Variants in KDM5A observed in about 807,000 individuals in gnomAD.
The protein encoded by KDM5A is lysine demethylase 5A.
In KDM5A, 42 loss-of-function variants were observed where a neutral mutation model predicts 193.5. The ratio of observed to expected loss-of-function variants is 0.22; its 90% CI spans 0.17 to 0.28. The LOEUF is 0.28. KDM5A is among the 10% of genes least tolerant of loss of function. The pLI, the probability that KDM5A is intolerant of heterozygous loss-of-function variation, is 1.00. For synonymous variants in KDM5A, 796 were observed against 718.1 expected (o/e 1.11, Z -1.73); for missense variants, 1,692 against 2,055.1 (o/e 0.82, Z 3.42).
At chr12:384,611 C>T (rs922949545) in intron 2 of KDM5A, among the ~76,000 whole-genome samples, 1 of 152,036 alleles carries the variant, frequency 6.6e-6, no homozygotes. Flanking sequence ...GTAAAACTAG[C>T]CAATAATAAA....
intron 5 of KDM5A, among the ~76,000 whole-genome samples, chr12:357,875 T>C (rs1282711698): frequency 8.2e-6 from 1 of 122,082 alleles, no homozygotes; most frequent in Non-Finnish European, 1.7e-5. Context: ...CCCAATTCCC[T>C]TCCTTCCTGC....
At chr12:375,392 G>A (rs1016530000) in intron 3 of KDM5A, among the ~76,000 whole-genome samples, 1 of 152,110 alleles carries the variant, frequency 6.6e-6, no homozygotes, top group African/African-American at 2.4e-5. Flanking sequence ...CATTCATCAC[G>A]TAGTTGTTCT....
Position 356,476 on chromosome 12 carries a change from C to T in KDM5A, c.734G>A (p.Gly245Glu), listed in dbSNP as rs1242669070. 3 of 1,613,744 alleles carry T rather than the reference C, an allele frequency of 1.9e-6. No individual in the cohort carries two copies. Among genetic ancestry groups the T allele is most frequent in the Non-Finnish European group, 2.5e-6 (3 of 1,179,804 alleles). ...CATTGCCAAGCCCACAACCTTGGGC[C>T]CAGCCCCAAAAATCTGAAGTTTCTT... The part of the protein sequence containing the change: ...ELKKLQIFGA[G>E]PKVVGLAMGT... The change falls in exon 6 of 28, where the codon GGG becomes GAG. Residue 245 changes from glycine (G) to glutamate (E), a missense_variant. Gly to Glu is a moderately conservative substitution (Grantham distance 98). This residue lies in a region of KDM5A where 134 missense variants were observed against 124.2 expected (regional missense o/e 1.08). Transcript: ENST00000399788.
chr12:330,073 G>GTATATATATA lies in KDM5A; in HGVS notation c.1774-1045_1774-1044insTATATATATA, dbSNP rs1393039421. Among the ~76,000 whole-genome samples the GTATATATATA allele has an allele frequency of 6.9e-3, 875 of 127,512 alleles. 9 individuals carry two copies. The highest frequency in any genetic ancestry group is 0.032 in the East Asian group (124 of 3,932). The allele number at this position is 127,512 out of a possible 152,430, so 83.7% of individuals were successfully genotyped here. A position where few individuals can be genotyped will look rare whatever the true frequency, so the allele number is the denominator to read the frequency against. On this transcript the variant is annotated intron_variant, in intron 13 of 27. Coordinates refer to ENST00000399788, the MANE Select transcript of KDM5A (RefSeq NM_001042603.3). ...GGAAAAAGTGTGTGTGTGTGTGTGTGTGTGTGTGTGTGTATATATATATAT... is the reference window on the plus strand; with the variant it reads ...GGAAAAAGTGTGTGTGTGTGTGTGTGTATATATATATGTGTGTGTGTGTATATATATATAT...
chr12:346,292 G>GTC (rs1447767317), intron 10 of KDM5A, among the ~76,000 whole-genome samples: 1 of 152,142 alleles, frequency 6.6e-6, no homozygotes, highest in Non-Finnish European at 1.5e-5. Context: ...AACAAAAAAA[G>GTC]TCCAGGACCA....
At chr12:354,034 T>C in intron 8 of KDM5A, 42 bp downstream of exon 8, 1 of 1,494,892 alleles carries the variant, frequency 6.7e-7, no homozygotes, top group Non-Finnish European at 9.3e-7. Context: ...CATGTATTAT[T>C]ATTTTTAGTT....
rs12227340 is a variant in KDM5A at position 356,697 on chromosome 12, C to T, written c.673-160G>A. 1.6e-3 allele frequency among the ~76,000 whole-genome samples: 242 copies of T among 152,250 alleles called. 2 individuals carry two copies. Among genetic ancestry groups the T allele is most frequent in the African/African-American group, 5.5e-3 (227 of 41,542 alleles). On this transcript the variant is annotated intron_variant, in intron 5 of 27. Coordinates refer to ENST00000399788, the MANE Select transcript of KDM5A (RefSeq NM_001042603.3). ...ACTGCCTCATTACCACAGTTGAAAACGGTCACCAAAACACCATTCAACACC... is the reference window on the plus strand; with the variant it reads ...ACTGCCTCATTACCACAGTTGAAAATGGTCACCAAAACACCATTCAACACC...
At chr12:346,379 T>C (rs148160178) in intron 10 of KDM5A, among the ~76,000 whole-genome samples, 4,458 of 152,102 alleles carry the variant, frequency 0.029, 83 homozygotes, top group Middle Eastern at 0.044. Context: ...TTCCAAGCAA[T>C]AGAAAAAGAC....
chr12:287,579 G>T (rs1199212253), intron 27 of KDM5A, among the ~76,000 whole-genome samples: 1 of 151,934 alleles, frequency 6.6e-6, no homozygotes, highest in Admixed American at 6.6e-5. Context: ...AACACAAAAT[G>T]CTAGCTGTAG....
At chr12:331,134 C>G (rs1452966407) in intron 13 of KDM5A, among the ~76,000 whole-genome samples, 1 of 151,616 alleles carries the variant, frequency 6.6e-6, no homozygotes, top group Admixed American at 6.6e-5. Flanking sequence ...ACCTAGTTGT[C>G]TATCAGAAAA....
At chr12:294,642 T>C (rs1405890237) in intron 26 of KDM5A, among the ~76,000 whole-genome samples, 2 of 152,216 alleles carry the variant, frequency 1.3e-5, no homozygotes, top group Non-Finnish European at 2.9e-5. Flanking sequence ...ATGCTAAATA[T>C]ATCTGTATCA....
rs144992507 is a variant in KDM5A, at chr12:373,677, G to C, written c.367-7573C>G. ...GTTCTTTTAATTGTGATGTTAGGGT[G>C]TCAATTTTAGATCTTTCCTGCTTTC... On this transcript the variant is annotated intron_variant, in intron 3 of 27. Transcript: ENST00000399788. Among the ~76,000 whole-genome samples the C allele has an allele frequency of 9.4e-3, 1,428 of 152,226 alleles. 29 individuals carry two copies. Among genetic ancestry groups the C allele is most frequent in the African/African-American group, 0.032 (1,333 of 41,512 alleles).
At chr12:294,069 G>A (rs921281331) in intron 26 of KDM5A, among the ~76,000 whole-genome samples, 3 of 152,018 alleles carry the variant, frequency 2.0e-5, no homozygotes, top group African/African-American at 7.2e-5. Context: ...AATAATAAAA[G>A]TATTGGTAGT....
chr12:304,877 C>T (rs1400165101), intron 24 of KDM5A, among the ~76,000 whole-genome samples: 2 of 152,134 alleles, frequency 1.3e-5, no homozygotes, highest in East Asian at 3.9e-4. Flanking sequence ...CCAAAAATAT[C>T]AAAGGCCTCT....
In KDM5A at chr12:328,889, T is replaced by C. The variant is rs1943827083; in HGVS notation, c.1914A>G (p.Glu638=). The change falls in exon 14 of 28, where the codon GAA becomes GAG. Residue 638 remains glutamate (E), a synonymous_variant. Coordinates refer to ENST00000399788, the MANE Select transcript of KDM5A (RefSeq NM_001042603.3). ...TTTCTTCTTCAGTCATGAGAGTCAATTCTTTGCAGACCATGGCAGCCAGCC... is the reference window on the plus strand; with the variant it reads ...TTTCTTCTTCAGTCATGAGAGTCAACTCTTTGCAGACCATGGCAGCCAGCC... ...DVGLAAMVCK[E]LTLMTEEETR... The C allele has an allele frequency of 6.2e-7, 1 of 1,614,220 alleles. No individual in the cohort carries two copies. Among genetic ancestry groups the C allele is most frequent in the Non-Finnish European group, 8.5e-7 (1 of 1,180,036 alleles).
chr12:303,769 A>G (rs1943473105), intron 24 of KDM5A, among the ~76,000 whole-genome samples: 1 of 150,806 alleles, frequency 6.6e-6, no homozygotes, highest in Non-Finnish European at 1.5e-5. Context: ...CTAAGGACAC[A>G]AACCATTTAA....
At chr12:373,878 AGTT>A (rs1263860566) in intron 3 of KDM5A, among the ~76,000 whole-genome samples, 1 of 152,156 alleles carries the variant, frequency 6.6e-6, no homozygotes, top group Non-Finnish European at 1.5e-5. Flanking sequence ...GTTTCCATGT[AGTT>A]GAGTGGTTTT....
chr12:280,478 C>G lies in KDM5A; in HGVS notation c.*4978G>C, dbSNP rs532852568. 3.0e-5 allele frequency: 7 copies of G among 232,948 alleles called. No homozygotes were observed. Among genetic ancestry groups the G allele is most frequent in the Non-Finnish European group, 5.9e-5 (7 of 117,974 alleles). 14.4% of individuals were successfully genotyped at this position (232,948 alleles called of 1,614,324 possible). On this transcript the variant is annotated 3_prime_UTR_variant, in exon 28 of 28. Coordinates refer to ENST00000399788, the MANE Select transcript of KDM5A (RefSeq NM_001042603.3). ...CCCTGCCCCCGCTCTTTCAACCAAC[C>G]CTCCTCCTAACATACACATACAGAG...
chr12:298,922 GAATC>G (rs1485725466), intron 24 of KDM5A, among the ~76,000 whole-genome samples: 1 of 151,472 alleles, frequency 6.6e-6, no homozygotes, highest in Non-Finnish European at 1.5e-5. Context: ...ATCAATAGCC[GAATC>G]AATCAAGCAG....
Sources: gnomAD v4.1 joint callset for allele counts (sites outside exome capture counted in the v4.1 genomes callset) on GRCh38, gnomAD v4.1.1 for gene constraint, gnomAD v4.1.1 regional missense constraint, MANE v1.5 for transcripts, NCBI Gene and HGNC (gene_info 2026-07-23, HGNC 2026-07-21) for gene names.